RACK1: variants seen among roughly 807,000 people sequenced by gnomAD.
RACK1 encodes the protein receptor for activated C kinase 1.
Under a neutral mutation model 42.2 loss-of-function variants are expected in RACK1, and 3 were observed. The ratio of observed to expected loss-of-function variants is 0.07; its 90% CI spans 0.03 to 0.18. The LOEUF (loss-of-function observed/expected upper bound fraction) is 0.18, where lower values mean the gene tolerates loss of function less well. RACK1 is among the 10% of genes least tolerant of loss of function. The pLI is 1.00. For missense variants in RACK1, 146 were observed against 403.2 expected (o/e 0.36, Z 5.46); for synonymous variants, 181 against 154.8 (o/e 1.17, Z -1.25).
At chr5:181,239,045 G>A (rs777487890) in intron 5 of RACK1, 22 bp downstream of exon 5, 13 of 1,460,534 alleles carry the variant, frequency 8.9e-6, no homozygotes, top group Non-Finnish European at 1.3e-5. Flanking sequence ...CACTGAGTAG[G>A]AGACGCCTTG....
chr5:181,237,756 A>G, intron 6 of RACK1, 37 bp from the exon 7 acceptor site: 1 of 1,097,078 alleles, frequency 9.1e-7, no homozygotes, highest in Non-Finnish European at 1.4e-6. Context: ...AAGACTTACC[A>G]ATCAAGAGAG....
At position 181,241,646 on chromosome 5, in the gene RACK1, GGGA is replaced by G. The variant is rs1759348541; in HGVS notation, c.282-10_282-8del. ...TCGCCTCGTGGTGGTGCCCCTGAGA[GGGA>G]GGAGTTTGTCATTCTCAGACTTAGC... On this transcript the variant is annotated splice_region_variant and splice_polypyrimidine_tract_variant and intron_variant, in intron 2 of 7. Transcript: ENST00000512805. 6.2e-7 allele frequency: 1 copy of G among 1,613,696 alleles called. No individual in the cohort carries two copies. The highest frequency in any genetic ancestry group is 1.3e-5 in the African/African-American group (1 of 74,906).
intron 1 of RACK1, 155 bp downstream of exon 1, chr5:181,243,537 C>CAGGCCTAGGCTCGG: frequency 7.2e-7 from 1 of 1,395,046 alleles, no homozygotes; most frequent in Non-Finnish European, 9.7e-7. Flanking sequence ...GGCTCGGGTC[C>CAGGCCTAGGCTCGG]GCACGCCCCA....
chr5:181,238,434 A>C, intron 5 of RACK1, 195 bp from the exon 6 acceptor site: 1 of 564,210 alleles, frequency 1.8e-6, no homozygotes, highest in South Asian at 2.2e-5. Context: ...ACCCCATCAA[A>C]AAACCCCTCC....
At position 181,239,182 on chromosome 5, in the gene RACK1, A is replaced by G. The variant is rs747338652; in HGVS notation, c.526-5T>C. 1.5e-5 allele frequency: 24 copies of G among 1,586,556 alleles called. No individual in the cohort carries two copies. The East Asian group carries it at 4.7e-4, about 31-fold the overall frequency. The stretch of plus-strand genomic sequence containing the variant: ...GCAGTTAGCCAGGTTCCATACCTGC[A>G]TAGACGTGCGGTTGACAGGTGAACA... On this transcript the variant is annotated splice_polypyrimidine_tract_variant and splice_region_variant and intron_variant, in intron 4 of 7. Coordinates refer to ENST00000512805, the MANE Select transcript of RACK1 (RefSeq NM_006098.5).
Position 181,237,677 on chromosome 5 carries a change from C to G in RACK1, c.820G>C (p.Val274Leu). 1 of 1,612,342 alleles carries G rather than the reference C, an allele frequency of 6.2e-7. No homozygotes were observed. The highest frequency in any genetic ancestry group is 8.5e-7 in the Non-Finnish European group (1 of 1,178,340). ...KIIVDELKQE[V>L]ISTSSKAEPP... The stretch of plus-strand genomic sequence containing the variant: ...TCTGCCTTGCTGCTGGTACTGATAA[C>G]TTCTTGCTTCAGTTCATCTACAATG... The change falls in exon 7 of 8, where the codon GTT becomes CTT. Residue 274 changes from valine to leucine, a missense_variant. Transcript: ENST00000512805.
In RACK1 at chr5:181,239,235, G is replaced by A. The variant is rs529953435; in HGVS notation, c.526-58C>T. ...CTAGCTCTTGATGAGCTAGGGTCAGGCCCAACAAAAAAGGGCTTGGCACTT... is the reference window on the plus strand; with the variant it reads ...CTAGCTCTTGATGAGCTAGGGTCAGACCCAACAAAAAAGGGCTTGGCACTT... On this transcript the variant is annotated intron_variant, in intron 4 of 7. Transcript: ENST00000512805. The A allele has an allele frequency of 3.4e-4, 410 of 1,189,266 alleles. 1 individual carries two copies. The highest frequency in any genetic ancestry group is 6.3e-4 in the Admixed American group (37 of 58,642). 73.7% of individuals were successfully genotyped at this position (1,189,266 alleles called of 1,614,324 possible). A position where few individuals can be genotyped will look rare whatever the true frequency, so the allele number is the denominator to read the frequency against.
At chr5:181,238,011 TGGGAG>T in intron 6 of RACK1, 83 bp downstream of exon 6, 1 of 1,403,340 alleles carries the variant, frequency 7.1e-7, no homozygotes, top group African/African-American at 1.4e-5. Flanking sequence ...AGCTCCCAGG[TGGGAG>T]TCAGATGGCA....
intron 5 of RACK1, chr5:181,238,846 C>T (rs1694664331): frequency 1.1e-5 from 6 of 571,030 alleles, no homozygotes; most frequent in Non-Finnish European, 1.9e-5. Flanking sequence ...AAAAAAAACC[C>T]ACAGGCTTAT....
chr5:181,238,926 T>C (rs1034346029), intron 5 of RACK1, 141 bp downstream of exon 5: 5 of 747,526 alleles, frequency 6.7e-6, no homozygotes, highest in Admixed American at 1.8e-5. Context: ...TTTGGAAACA[T>C]ATTCTCAGAT....
At position 181,241,735 on chromosome 5, in the gene RACK1, A is replaced by G. The variant is rs531624117; in HGVS notation, c.282-96T>C. The G allele has an allele frequency of 2.2e-5, 29 of 1,307,302 alleles. No individual in the cohort carries two copies. The East Asian group carries it at 6.5e-4, about 29-fold the overall frequency. 81.0% of individuals were successfully genotyped at this position (1,307,302 alleles called of 1,614,324 possible). On this transcript the variant is annotated intron_variant, in intron 2 of 7. Coordinates refer to ENST00000512805, the MANE Select transcript of RACK1 (RefSeq NM_006098.5). ...GGCTTTGTCTCTGTCTCATTGCATC[A>G]CTCATACAACCCTGGATTTGGCTCT...
chr5:181,242,667 C>T (rs181787221), intron 1 of RACK1: 1 of 388,860 alleles, frequency 2.6e-6, no homozygotes, highest in East Asian at 7.3e-5. Context: ...AAGCAATTCT[C>T]CCGCCTCAGC....
At chr5:181,237,847 A>G (rs943359680) in intron 6 of RACK1, 128 bp from the exon 7 acceptor site, 15 of 673,568 alleles carry the variant, frequency 2.2e-5, no homozygotes, top group South Asian at 5.2e-5. Context: ...CAATGCCTAC[A>G]TGCATTTTCA....
intron 6 of RACK1, 188 bp from the exon 7 acceptor site, chr5:181,237,907 G>C: frequency 1.5e-6 from 1 of 670,624 alleles, no homozygotes; most frequent in Non-Finnish European, 2.6e-6. Context: ...GTAGAAGCTG[G>C]AAATGCTGCT....
chr5:181,241,678 C>A (rs1210372287), intron 2 of RACK1, 39 bp from the exon 3 acceptor site: 1 of 1,605,432 alleles, frequency 6.2e-7, no homozygotes, highest in East Asian at 2.2e-5. Flanking sequence ...ACTTAGCAAA[C>A]ACTCTCATTC....
chr5:181,238,426 C>A (rs964860891), intron 5 of RACK1, 187 bp from the exon 6 acceptor site: 54 of 587,386 alleles, frequency 9.2e-5, no homozygotes, highest in Non-Finnish European at 1.2e-5. Context: ...CCTTACCAAC[C>A]CCATCAAAAA....
chr5:181,241,446 A>G (rs1759342841), intron 3 of RACK1, 46 bp downstream of exon 3: 4 of 1,484,644 alleles, frequency 2.7e-6, no homozygotes, highest in Non-Finnish European at 3.6e-6. Flanking sequence ...AAAAAAAAGC[A>G]AAGTTTAAGA....
rs1759163422 is a variant in RACK1, at chr5:181,237,058, G to A, written c.889-16C>T. The A allele has an allele frequency of 6.2e-7, 1 of 1,612,952 alleles. No individual in the cohort carries two copies. Among genetic ancestry groups the A allele is most frequent in the African/African-American group, 1.3e-5 (1 of 74,800 alleles). Reference sequence around the variant, plus strand: ...CAAACAGAGTCTGCAGGGAAGAAATGACAGTGACAGGTCAGGCTGGCATAA... The same window carrying A: ...CAAACAGAGTCTGCAGGGAAGAAATAACAGTGACAGGTCAGGCTGGCATAA... On this transcript the variant is annotated splice_polypyrimidine_tract_variant and intron_variant, in intron 7 of 7. Transcript: ENST00000512805.
At chr5:181,238,382 AT>A (rs1759215395) in intron 5 of RACK1, 143 bp from the exon 6 acceptor site, 1 of 795,072 alleles carries the variant, frequency 1.3e-6, no homozygotes, top group South Asian at 1.7e-5. Flanking sequence ...AAGTACCAAT[AT>A]TTATCTCTGT....
Sources: gnomAD v4.1 joint callset for allele counts on GRCh38, gnomAD v4.1.1 for gene constraint, MANE v1.5 for transcripts, NCBI Gene and HGNC (gene_info 2026-07-23, HGNC 2026-07-21) for gene names.